The following DPP8 variants were observed in gnomAD, a reference collection of about 807,000 sequenced individuals.
DPP8 encodes the protein dipeptidyl peptidase 8, also known as DPP VIII.
Under a neutral mutation model 107.5 loss-of-function variants are expected in DPP8, and 31 were observed. The ratio of observed to expected loss-of-function variants is 0.29; its 90% confidence interval spans 0.22 to 0.39. The LOEUF is 0.39. Ranked by LOEUF, DPP8 falls within the 10% of genes least tolerant of loss-of-function variation. The probability of loss-of-function intolerance (pLI) is 1.00; values close to 1 mark genes in which losing one functional copy is unlikely to be tolerated. For synonymous variants in DPP8, 381 were observed against 356.6 expected (o/e 1.07, Z -0.77); for missense variants, 842 against 1,076.1 (o/e 0.78, Z 3.04).
At chr15:65,448,024 A>T (rs771092693) in intron 19 of DPP8, among the ~76,000 whole-genome samples, 2 of 152,092 alleles carry the variant, frequency 1.3e-5, no homozygotes, top group African/African-American at 2.4e-5. Context: ...CATCTGAAGT[A>T]TAAGATCCAC....
intron 6 of DPP8, among the ~76,000 whole-genome samples, chr15:65,489,716 CCATAATGTA>C (rs1211863028): frequency 6.6e-6 from 1 of 151,424 alleles, no homozygotes; most frequent in Non-Finnish European, 1.5e-5. Flanking sequence ...CCACGCCCGG[CCATAATGTA>C]CATATTTTTG....
chr15:65,485,513 C>A (rs1438334510), intron 7 of DPP8, among the ~76,000 whole-genome samples: 1 of 133,144 alleles, frequency 7.5e-6, no homozygotes, highest in East Asian at 2.2e-4. Context: ...CACTGCCCTC[C>A]AGCCTCGGTA....
chr15:65,501,038 C>T (rs542851643), intron 3 of DPP8, among the ~76,000 whole-genome samples: 3 of 152,000 alleles, frequency 2.0e-5, no homozygotes, highest in East Asian at 1.9e-4. Context: ...CAACCACGCC[C>T]AGCTAATTTT....
chr15:65,500,529 T>C (rs761244421), intron 4 of DPP8, 77 bp downstream of exon 4: 2 of 1,173,106 alleles, frequency 1.7e-6, no homozygotes, highest in Middle Eastern at 4.1e-4. Context: ...GGTTTGTTTA[T>C]TAATTACCTT....
chr15:65,507,327 T>A lies in DPP8; in HGVS notation c.288A>T (p.Thr96=), dbSNP rs1269896361. The A allele has an allele frequency of 5.6e-6, 9 of 1,610,262 alleles. No homozygotes were observed. The highest frequency in any genetic ancestry group is 7.6e-6 in the Non-Finnish European group (9 of 1,177,038). Residue 96 remains threonine, a synonymous_variant, in exon 3 of 20, where the codon ACA becomes ACT. Coordinates refer to ENST00000300141, the MANE Select transcript of DPP8 (RefSeq NM_130434.5). The part of the protein sequence containing the change: ...LAMSGENREN[T]LFYSEIPKTI... Reference sequence around the variant, plus strand: ...TTTTGGGAATTTCAGAATAAAACAGTGTATTTTCTCTGTTCTCACCAGACA... The same window carrying A: ...TTTTGGGAATTTCAGAATAAAACAGAGTATTTTCTCTGTTCTCACCAGACA...
At chr15:65,462,068 G>C (rs989608246) in intron 15 of DPP8, among the ~76,000 whole-genome samples, 1 of 151,904 alleles carries the variant, frequency 6.6e-6, no homozygotes, top group South Asian at 2.1e-4. Flanking sequence ...TCCCAGGTTC[G>C]AGCAATTCTC....
chr15:65,493,577 T>G (rs915660123), intron 5 of DPP8, among the ~76,000 whole-genome samples: 4 of 152,166 alleles, frequency 2.6e-5, no homozygotes, highest in African/African-American at 9.7e-5. Context: ...AAATGAATTT[T>G]AGTAACAACC....
At chr15:65,470,943 AT>A (rs2065838767) in intron 12 of DPP8, among the ~76,000 whole-genome samples, 2 of 150,658 alleles carry the variant, frequency 1.3e-5, no homozygotes, top group African/African-American at 5.0e-5. Flanking sequence ...AAGAGGGAAA[AT>A]AGAGAAGAGG....
chr15:65,509,832 G>A (rs897776318), intron 2 of DPP8, among the ~76,000 whole-genome samples: 1 of 151,966 alleles, frequency 6.6e-6, no homozygotes, highest in Non-Finnish European at 1.5e-5. Context: ...ATGAGCCTGA[G>A]CAACATGGTG....
intron 1 of DPP8, chr15:65,515,826 T>C: frequency 1.2e-6 from 1 of 826,572 alleles, no homozygotes; most frequent in South Asian, 1.8e-5. Flanking sequence ...GATAAGACTT[T>C]GATCATTAAG....
chr15:65,478,821 C>T, intron 11 of DPP8, 59 bp downstream of exon 11: 4 of 1,195,958 alleles, frequency 3.3e-6, no homozygotes, highest in Non-Finnish European at 4.8e-6. Flanking sequence ...ATTCCCCTGT[C>T]CCTCCCACCT....
chr15:65,460,748 C>T (rs982365219), intron 15 of DPP8, among the ~76,000 whole-genome samples: 2 of 152,188 alleles, frequency 1.3e-5, no homozygotes, highest in African/African-American at 4.8e-5. Context: ...TGGACACGTG[C>T]ACTGCCTTTT....
At chr15:65,450,297 A>T (rs1474578780) in intron 19 of DPP8, among the ~76,000 whole-genome samples, 1 of 152,092 alleles carries the variant, frequency 6.6e-6, no homozygotes, top group Non-Finnish European at 1.5e-5. Flanking sequence ...ATATTTAAAA[A>T]TTTTCTCAGT....
At chr15:65,450,910 A>T (rs1482557555) in intron 19 of DPP8, 89 bp downstream of exon 19, 1 of 819,258 alleles carries the variant, frequency 1.2e-6, no homozygotes, top group Non-Finnish European at 2.0e-6. Flanking sequence ...ACACTCTAAA[A>T]ATCTGGACTT....
intron 8 of DPP8, 66 bp from the exon 9 acceptor site, chr15:65,481,681 CTACTT>C (rs1327337632): frequency 4.1e-5 from 40 of 965,564 alleles, no homozygotes; most frequent in Non-Finnish European, 5.9e-5. Flanking sequence ...GCTTGCTAGT[CTACTT>C]TAACAATTTA....
chr15:65,447,186 A>AGGCTTCATGATTT (rs1334493893), intron 19 of DPP8, among the ~76,000 whole-genome samples, 180 bp from the exon 20 acceptor site: 2 of 152,104 alleles, frequency 1.3e-5, no homozygotes, highest in African/African-American at 4.8e-5. Flanking sequence ...TCCTTATTTA[A>AGGCTTCATGATTT]CATTAGGCTT....
intron 5 of DPP8, among the ~76,000 whole-genome samples, chr15:65,497,294 A>T (rs1222588040): frequency 6.6e-6 from 1 of 152,162 alleles, no homozygotes; most frequent in Admixed American, 6.6e-5. Context: ...TTTGAAACAG[A>T]GTCTCACTTT....
intron 9 of DPP8, among the ~76,000 whole-genome samples, chr15:65,480,781 C>G (rs1464381241): frequency 2.0e-5 from 3 of 151,988 alleles, no homozygotes; most frequent in East Asian, 3.9e-4. Context: ...CTGGGTGACA[C>G]AGAGAGAGAC....
intron 17 of DPP8, among the ~76,000 whole-genome samples, chr15:65,453,108 A>T (rs1290096252): frequency 6.6e-6 from 1 of 152,188 alleles, no homozygotes; most frequent in Non-Finnish European, 1.5e-5. Flanking sequence ...AATTTCTTCT[A>T]GTATATTTTT....
Sources: gnomAD v4.1 joint callset for allele counts (sites outside exome capture counted in the v4.1 genomes callset) on GRCh38, gnomAD v4.1.1 for gene constraint, MANE v1.5 for transcripts, NCBI Gene and HGNC (gene_info 2026-07-23, HGNC 2026-07-21) for gene names.